The following ACSM2B variants were observed in gnomAD, a reference collection of about 807,000 sequenced individuals.
ACSM2B encodes the protein acyl-CoA synthetase medium chain family member 2B.
A neutral mutation model predicts 78.6 loss-of-function variants in ACSM2B; 58 were observed. The ratio of observed to expected loss-of-function variants is 0.74; its 90% CI spans 0.60 to 0.92. ACSM2B has a LOEUF of 0.92. Among genes scored for constraint, ACSM2B ranks in the 40% least tolerant of loss-of-function variants. ACSM2B has a pLI of 0.00. For synonymous variants in ACSM2B, 257 were observed against 256.8 expected (o/e 1.00, Z -0.01); for missense variants, 688 against 711.2 (o/e 0.97, Z 0.37).
At chr16:20,558,457 A>C (rs921745438) in intron 3 of ACSM2B, among the ~76,000 whole-genome samples, 3 of 150,592 alleles carry the variant, frequency 2.0e-5, no homozygotes, top group African/African-American at 7.3e-5. Flanking sequence ...CAATTATTAA[A>C]CTCTTCTCTA....
At position 20,540,246 on chromosome 16, in the gene ACSM2B, T is replaced by G. The variant is rs528545589; in HGVS notation, c.1629+408A>C. ...TTTGTTTTTTTTTTTTGTTTGTTTG[T>G]TTGGTTTTTTTTTTGAGACAGGGTC... On this transcript the variant is annotated intron_variant, in intron 13 of 13. Transcript: ENST00000329697. Among the ~76,000 whole-genome samples, 11 of 128,694 alleles carry G rather than the reference T, an allele frequency of 8.5e-5. 1 individual carries two copies. The highest frequency in any genetic ancestry group is 2.0e-4 in the East Asian group (1 of 4,968). 84.4% of individuals were successfully genotyped at this position (128,694 alleles called of 152,430 possible). A position where few individuals can be genotyped will look rare whatever the true frequency, so the allele number is the denominator to read the frequency against.
At chr16:20,567,986 C>T (rs866930610) in intron 1 of ACSM2B, among the ~76,000 whole-genome samples, 4 of 142,330 alleles carry the variant, frequency 2.8e-5, no homozygotes, top group South Asian at 2.1e-4. Flanking sequence ...AAAATATTCA[C>T]GTATTTTTAC....
intron 2 of ACSM2B, among the ~76,000 whole-genome samples, chr16:20,559,933 G>A (rs2015600819): frequency 2.0e-5 from 3 of 150,856 alleles, no homozygotes; most frequent in Non-Finnish European, 4.4e-5. Flanking sequence ...GAAAGAATTA[G>A]AATAAAAAGG....
intron 1 of ACSM2B, among the ~76,000 whole-genome samples, 168 bp downstream of exon 1, chr16:20,576,039 G>T (rs554881736): frequency 1.8e-4 from 27 of 148,034 alleles, no homozygotes; most frequent in African/African-American, 6.1e-4. Context: ...CTTTTCCTCT[G>T]CCCAGTGTTT....
In ACSM2B at chr16:20,545,116, T is replaced by G. The variant is rs189182398; in HGVS notation, c.1281+41A>C. 2.1e-4 allele frequency: 335 copies of G among 1,589,162 alleles called. 4 individuals carry two copies. The Admixed American group carries it at 2.9e-3, about 14-fold the overall frequency. On this transcript the variant is annotated intron_variant, in intron 10 of 13. Transcript: ENST00000329697. ...TCCCTCATCCCGTTTAGTGCTCCCA[T>G]CCTCACTGGGGAACAGAGGAGGAGA... is the stretch of plus-strand genomic sequence containing the variant.
intron 6 of ACSM2B, 150 bp from the exon 7 acceptor site, chr16:20,548,623 G>A (rs1343594793): frequency 1.3e-6 from 2 of 1,529,666 alleles, no homozygotes; most frequent in Non-Finnish European, 1.8e-6. Flanking sequence ...AGTTAAATGA[G>A]CCCCACAACT....
intron 3 of ACSM2B, among the ~76,000 whole-genome samples, chr16:20,556,979 C>T (rs2015493688): frequency 6.6e-6 from 1 of 151,994 alleles, no homozygotes; most frequent in Non-Finnish European, 1.5e-5. Context: ...TTTCTCTTTA[C>T]CCACTCTCAT....
chr16:20,556,356 C>A (rs556906726), intron 3 of ACSM2B, among the ~76,000 whole-genome samples: 4 of 152,188 alleles, frequency 2.6e-5, no homozygotes, highest in African/African-American at 4.8e-5. Context: ...AATCCTGGCA[C>A]TTTTGGAGGC....
At chr16:20,546,365 T>A in intron 9 of ACSM2B, 29 bp downstream of exon 9, 5 of 1,577,268 alleles carry the variant, frequency 3.2e-6, no homozygotes, top group Non-Finnish European at 4.3e-6. Context: ...TTCCCCTAAC[T>A]TCCTCCCTCC....
intron 13 of ACSM2B, among the ~76,000 whole-genome samples, 200 bp from the exon 14 acceptor site, chr16:20,537,562 G>C (rs116338969): frequency 0.011 from 1,712 of 152,268 alleles, 34 homozygotes; most frequent in African/African-American, 0.038. Context: ...AAAGGTATTT[G>C]ACATATTTTC....
At chr16:20,575,336 A>T (rs1219732692) in intron 1 of ACSM2B, 13 of 151,896 alleles carry the variant, frequency 8.6e-5, no homozygotes, top group Admixed American at 2.0e-4. Flanking sequence ...TATATATATG[A>T]GTTTACTAAG....
chr16:20,538,545 G>C (rs766751520), intron 13 of ACSM2B, among the ~76,000 whole-genome samples: 2 of 152,136 alleles, frequency 1.3e-5, no homozygotes, highest in Non-Finnish European at 2.9e-5. Context: ...GTCATGAAGA[G>C]AGAAGTAGAA....
rs551525300 is a variant in ACSM2B, at chr16:20,548,159, C to T, written c.1001G>A (p.Cys334Tyr). The change falls in exon 8 of 14, where the codon TGC (cysteine) becomes TAC (tyrosine). Residue 334 changes from cysteine (C) to tyrosine (Y), a missense_variant. Coordinates refer to ENST00000329697, the MANE Select transcript of ACSM2B (RefSeq NM_001105069.2). ...AAGAAGGGACTCCCCTCCAGCGAGG[C>T]AGTTCTGTAGATGGGGGAACTTGTA... is the stretch of plus-strand genomic sequence containing the variant. ...SSYKFPHLQN[C>Y]LAGGESLLPE... The T allele has an allele frequency of 9.2e-5, 149 of 1,614,062 alleles. 2 individuals are homozygous for T. The South Asian group carries it at 1.6e-3, about 17-fold the overall frequency.
intron 3 of ACSM2B, among the ~76,000 whole-genome samples, chr16:20,557,308 G>A (rs540594072): frequency 6.6e-6 from 1 of 152,102 alleles, no homozygotes; most frequent in African/African-American, 2.4e-5. Flanking sequence ...TTCTATATCT[G>A]TGCTCTTCAC....
At chr16:20,569,060 T>C (rs2016018126) in intron 1 of ACSM2B, among the ~76,000 whole-genome samples, 1 of 152,002 alleles carries the variant, frequency 6.6e-6, no homozygotes, top group African/African-American at 2.4e-5. Flanking sequence ...AAAAGCTCTT[T>C]AGTTTACTTA....
At chr16:20,565,728 T>A (rs1244726190) in intron 1 of ACSM2B, among the ~76,000 whole-genome samples, 2 of 152,036 alleles carry the variant, frequency 1.3e-5, no homozygotes, top group Non-Finnish European at 2.9e-5. Context: ...TGTGCACCCA[T>A]CACTCGAGGA....
At chr16:20,567,365 ATT>A (rs2015937158) in intron 1 of ACSM2B, among the ~76,000 whole-genome samples, 1 of 117,006 alleles carries the variant, frequency 8.5e-6, no homozygotes, top group African/African-American at 3.6e-5. Flanking sequence ...TATATTATAT[ATT>A]ATATAATATA....
At chr16:20,539,021 C>T (rs1026251727) in intron 13 of ACSM2B, among the ~76,000 whole-genome samples, 43 of 152,218 alleles carry the variant, frequency 2.8e-4, no homozygotes, top group East Asian at 1.9e-3. Context: ...AGCCTACATC[C>T]ATACCTGATC....
chr16:20,553,585 T>C lies in ACSM2B; in HGVS notation c.740+192A>G, dbSNP rs571480471. 3.9e-5 allele frequency among the ~76,000 whole-genome samples: 6 copies of C among 152,344 alleles called. No individual in the cohort carries two copies. In the East Asian group the frequency reaches 1.2e-3, roughly 29 times the overall value. On this transcript the variant is annotated intron_variant, in intron 5 of 13. Transcript: ENST00000329697. The stretch of plus-strand genomic sequence containing the variant: ...GAAGAAGTTTTGAGACCCTGTGTTA[T>C]CTAAAATATGTGTCCCATTGAAGGT...
Sources: gnomAD v4.1 joint callset for allele counts (sites outside exome capture counted in the v4.1 genomes callset) on GRCh38, gnomAD v4.1.1 for gene constraint, MANE v1.5 for transcripts, NCBI Gene and HGNC (gene_info 2026-07-23, HGNC 2026-07-21) for gene names.